Variants in LYRM4 observed in about 807,000 individuals in gnomAD.
LYRM4 encodes the protein LYR motif-containing protein 4.
LYRM4 carries 9 observed loss-of-function variants against 11.7 expected under a neutral mutation model. The ratio of observed to expected loss-of-function variants is 0.77; its 90% CI spans 0.46 to 1.34. The LOEUF is 1.34. LYRM4 is among the 40% of genes most tolerant of loss of function. The pLI is 0.00. For synonymous variants in LYRM4, 42 were observed against 40.4 expected (o/e 1.04, Z -0.15); for missense variants, 133 against 112.5 (o/e 1.18, Z -0.82).
intron 2 of LYRM4, among the ~76,000 whole-genome samples, chr6:5,152,317 T>C (rs1004188758): frequency 6.6e-6 from 1 of 152,122 alleles, no homozygotes; most frequent in Non-Finnish European, 1.5e-5. Context: ...GCCAAAAGCA[T>C]TTCCTAGGAA....
At chr6:5,206,633 T>A (rs1268178617) in intron 2 of LYRM4, among the ~76,000 whole-genome samples, 1 of 152,170 alleles carries the variant, frequency 6.6e-6, no homozygotes, top group African/African-American at 2.4e-5. Flanking sequence ...TGTGACAGAC[T>A]TTGAAGGGGA....
At chr6:5,244,407 C>T (rs1764046018) in intron 1 of LYRM4, among the ~76,000 whole-genome samples, 1 of 152,144 alleles carries the variant, frequency 6.6e-6, no homozygotes, top group Non-Finnish European at 1.5e-5. Context: ...CTTAAAAATG[C>T]TACTGATATG....
At chr6:5,146,595 G>A (rs1313296855) in intron 2 of LYRM4, among the ~76,000 whole-genome samples, 2 of 152,066 alleles carry the variant, frequency 1.3e-5, no homozygotes, top group Non-Finnish European at 2.9e-5. Flanking sequence ...CCCTGAAGCG[G>A]GCCTCTTCCC....
the LYRM4 span, among the ~76,000 whole-genome samples, chr6:5,064,341 AATTTT>A: frequency 6.6e-6 from 1 of 152,134 alleles, no homozygotes; most frequent in African/African-American, 2.4e-5. Flanking sequence ...TCATCTTTTA[AATTTT>A]ATTTTATTTT....
At chr6:5,094,636 T>G in the LYRM4 span, among the ~76,000 whole-genome samples, 6 of 152,368 alleles carry the variant, frequency 3.9e-5, no homozygotes, top group South Asian at 1.2e-3. Context: ...AGCCTTCAGA[T>G]GTCTTCTTGG....
the LYRM4 span, among the ~76,000 whole-genome samples, chr6:5,092,271 A>T: frequency 2.6e-5 from 4 of 152,198 alleles, no homozygotes; most frequent in African/African-American, 4.8e-5. Flanking sequence ...GTGCAGTTTC[A>T]GCTCCTCCCT....
chr6:5,065,894 TAGTTA>T, the LYRM4 span: 1 of 233,744 alleles, frequency 4.3e-6, no homozygotes, highest in Non-Finnish European at 8.8e-6. Context: ...GGGTACATGT[TAGTTA>T]TTTTCTCTTC....
intron 2 of LYRM4, among the ~76,000 whole-genome samples, chr6:5,194,554 T>C (rs919657532): frequency 6.6e-6 from 1 of 152,224 alleles, no homozygotes; most frequent in Non-Finnish European, 1.5e-5. Flanking sequence ...CATGGGCTAG[T>C]AGGAGGGTTA....
chr6:5,113,260 C>T, intron 2 of LYRM4: 2 of 419,892 alleles, frequency 4.8e-6, no homozygotes, highest in South Asian at 3.4e-5. Flanking sequence ...CGGTGAAACC[C>T]TGTCTCTACT....
intron 1 of LYRM4, among the ~76,000 whole-genome samples, chr6:5,248,984 T>C (rs764954771): frequency 1.3e-5 from 2 of 152,270 alleles, no homozygotes; most frequent in African/African-American, 2.4e-5. Flanking sequence ...GGATGACTAA[T>C]AAATATCTGG....
chr6:5,172,559 C>A (rs1335751625), intron 2 of LYRM4, among the ~76,000 whole-genome samples: 1 of 152,110 alleles, frequency 6.6e-6, no homozygotes, highest in Admixed American at 6.5e-5. Flanking sequence ...GTTCTCACAT[C>A]CTGGACCTGT....
intron 2 of LYRM4, among the ~76,000 whole-genome samples, chr6:5,198,042 C>CA (rs928692804): frequency 3.3e-5 from 5 of 151,594 alleles, no homozygotes; most frequent in Non-Finnish European, 7.4e-5. Flanking sequence ...CAAAACAAAA[C>CA]AAAAAAACAG....
chr6:5,224,360 T>C (rs1762757880), intron 1 of LYRM4, among the ~76,000 whole-genome samples: 1 of 152,240 alleles, frequency 6.6e-6, no homozygotes, highest in Non-Finnish European at 1.5e-5. Flanking sequence ...TGAGGCATCA[T>C]TTTGTGTCCA....
At chr6:5,203,633 T>C (rs1448819194) in intron 2 of LYRM4, among the ~76,000 whole-genome samples, 1 of 152,214 alleles carries the variant, frequency 6.6e-6, no homozygotes, top group Non-Finnish European at 1.5e-5. Context: ...CAGCATGCAA[T>C]AAATATTTCA....
chr6:5,244,501 G>A (rs1764051447), intron 1 of LYRM4, among the ~76,000 whole-genome samples: 2 of 152,298 alleles, frequency 1.3e-5, no homozygotes, highest in Admixed American at 1.3e-4. Context: ...GGGATGGGGA[G>A]CCAAAAGCAG....
the LYRM4 span, among the ~76,000 whole-genome samples, chr6:5,097,723 G>C: frequency 1.3e-5 from 2 of 152,150 alleles, no homozygotes; most frequent in African/African-American, 4.8e-5. Context: ...CCTCTTAAAG[G>C]CCCATTCTCT....
intron 2 of LYRM4, among the ~76,000 whole-genome samples, chr6:5,184,994 T>A (rs116463031): frequency 6.6e-6 from 1 of 152,198 alleles, no homozygotes; most frequent in Admixed American, 6.5e-5. Flanking sequence ...TAGTCACTTA[T>A]GCACTGAAGT....
intron 2 of LYRM4, among the ~76,000 whole-genome samples, chr6:5,215,699 TTTAATGTCA>T (rs796929299): frequency 2.3e-4 from 35 of 152,336 alleles, no homozygotes; most frequent in African/African-American, 8.2e-4. Flanking sequence ...TATTATCTAA[TTTAATGTCA>T]GCCAAGCTGG....
the LYRM4 span, among the ~76,000 whole-genome samples, chr6:5,064,503 A>G: frequency 1.3e-5 from 2 of 152,224 alleles, no homozygotes; most frequent in African/African-American, 2.4e-5. Flanking sequence ...TGTATTTGTT[A>G]CAGCTGATGA....
Sources: gnomAD v4.1 joint callset for allele counts (sites outside exome capture counted in the v4.1 genomes callset) on GRCh38, gnomAD v4.1.1 for gene constraint, MANE v1.5 for transcripts, NCBI Gene and HGNC (gene_info 2026-07-23, HGNC 2026-07-21) for gene names.